Variants in RSRP1 observed in about 807,000 individuals in gnomAD.
RSRP1 encodes arginine/serine-rich protein 1.
A neutral mutation model predicts 33.0 loss-of-function variants in RSRP1; 37 were observed. The ratio of observed to expected loss-of-function variants is 1.12; its 90% CI spans 0.86 to 1.48. RSRP1 has a LOEUF of 1.48. Among genes scored for constraint, RSRP1 ranks in the 40% most tolerant of loss-of-function variants. The pLI, the probability that RSRP1 is intolerant of heterozygous loss-of-function variation, is 0.00. For missense variants in RSRP1, 402 were observed against 385.3 expected (o/e 1.04, Z -0.36); for synonymous variants, 167 against 158.7 (o/e 1.05, Z -0.40).
chr1:25,252,494 A>G (rs1639819308), intron 1 of RSRP1, among the ~76,000 whole-genome samples: 1 of 150,372 alleles, frequency 6.7e-6, no homozygotes, highest in South Asian at 2.1e-4. Flanking sequence ...AGAGAAGGAG[A>G]GGTCTCGTGG....
intron 1 of RSRP1, among the ~76,000 whole-genome samples, chr1:25,269,723 C>T (rs1366443519): frequency 7.5e-6 from 1 of 132,984 alleles, no homozygotes; most frequent in African/African-American, 2.6e-5. Context: ...AGCAAAACCT[C>T]TGCTTTTGAC....
chr1:25,256,080 T>C (rs1235706001), intron 1 of RSRP1, among the ~76,000 whole-genome samples: 1 of 151,986 alleles, frequency 6.6e-6, no homozygotes, highest in Non-Finnish European at 1.5e-5. Context: ...GTTGTTCCCA[T>C]GTTCAGCAAC....
rs1414487872 is a variant in RSRP1, at chr1:25,307,842, G to A, written c.-67+30136C>T. 31 of 1,297,810 alleles carry A rather than the reference G, an allele frequency of 2.4e-5. 7 individuals carry two copies. The highest frequency in any genetic ancestry group is 3.0e-5 in the Non-Finnish European group (28 of 941,958). The allele number at this position is 1,297,810 out of a possible 1,614,324, so 80.4% of individuals were successfully genotyped here. On this transcript the variant is annotated intron_variant, in intron 1 of 1. Coordinates refer to the RSRP1 transcript ENST00000561867. Reference sequence around the variant, plus strand: ...GTGAGACATCCTTGCTTGGGATGAGGAGGGGATGAGCTGTGTGAAGCAAGG... The same window carrying A: ...GTGAGACATCCTTGCTTGGGATGAGAAGGGGATGAGCTGTGTGAAGCAAGG...
rs200100354 is a variant in RSRP1 at position 25,321,554 on chromosome 1, C to T, written c.-67+16424G>A. Reference sequence around the variant, plus strand: ...ATGTGGTGGCAGGCGCCTATAATCTCAGCTACTTGGGAGGCTGAGGCAGGA... The same window carrying T: ...ATGTGGTGGCAGGCGCCTATAATCTTAGCTACTTGGGAGGCTGAGGCAGGA... On this transcript the variant is annotated intron_variant, in intron 1 of 1. Transcript: ENST00000561867. Among the ~76,000 whole-genome samples, 3 of 121,920 alleles carry T rather than the reference C, an allele frequency of 2.5e-5. 1 individual carries two copies. Among genetic ancestry groups the T allele is most frequent in the South Asian group, 5.1e-4 (2 of 3,908 alleles). The allele number at this position is 121,920 out of a possible 152,430, so 80.0% of individuals were successfully genotyped here.
At chr1:25,242,784 C>A in intron 4 of RSRP1, 79 bp from the exon 5 acceptor site, 1 of 991,408 alleles carries the variant, frequency 1.0e-6, no homozygotes, top group Non-Finnish European at 1.5e-6. Flanking sequence ...ATTAAATAAT[C>A]CCATGTATGA....
intron 2 of RSRP1, 43 bp downstream of exon 2, chr1:25,246,401 C>T: frequency 1.9e-6 from 3 of 1,595,726 alleles, no homozygotes; most frequent in South Asian, 2.2e-5. Context: ...CATATACTGC[C>T]ACCATACATT....
rs1436929587 is a variant in RSRP1 at position 25,268,552 on chromosome 1, C to T, written c.-66-21523G>A. On this transcript the variant is annotated intron_variant, in intron 1 of 1. Coordinates refer to the RSRP1 transcript ENST00000561867. The stretch of plus-strand genomic sequence containing the variant: ...TAAATACACAAGTAAAAATATAGAC[C>T]TCGTCAGATGCTAGTAAGTGCTGTG... Among the ~76,000 whole-genome samples, 8 of 130,742 alleles carry T rather than the reference C, an allele frequency of 6.1e-5. 1 individual carries two copies. Among genetic ancestry groups the T allele is most frequent in the African/African-American group, 1.6e-4 (6 of 38,232 alleles). 85.8% of individuals were successfully genotyped at this position (130,742 alleles called of 152,430 possible).
rs779460870 is a variant in RSRP1 at position 25,246,815 on chromosome 1, G to C, written c.149C>G (p.Ser50Trp). The C allele has an allele frequency of 4.3e-6, 7 of 1,613,474 alleles. No homozygotes were observed. The South Asian group carries it at 6.6e-5, about 15-fold the overall frequency. ...CCGACTCCTGGACGAAAACCGGCTC[G>C]AGACGCGGGAATGGGACCGAGAGCT... The part of the protein sequence containing the change: ...SRSSRSHSRV[S>W]SRFSSRSRRS... The change falls in exon 2 of 5, where the codon TCG becomes TGG. Residue 50 changes from serine (S) to tryptophan (W), a missense_variant. Physicochemically the swap from Ser to Trp is radical, Grantham distance 177 (BLOSUM62 -3). Coordinates refer to ENST00000243189, the MANE Select transcript of RSRP1 (RefSeq NM_020317.5).
At chr1:25,309,307 G>T (rs1166115830) in intron 1 of RSRP1, among the ~76,000 whole-genome samples, 1 of 131,344 alleles carries the variant, frequency 7.6e-6, no homozygotes, top group Middle Eastern at 4.1e-3. Flanking sequence ...TCAATTCTCA[G>T]TCCTTTGATT....
chr1:25,251,369 CCTTTTTTTTTT>C (rs1027978853), upstream of RSRP1, among the ~76,000 whole-genome samples: 35 of 152,028 alleles, frequency 2.3e-4, no homozygotes, highest in African/African-American at 7.7e-4. Context: ...TTATAGTTTT[CCTTTTTTTTTT>C]CTTTTTTGAG....
At chr1:25,315,713 G>A (rs1339016008) in intron 1 of RSRP1, among the ~76,000 whole-genome samples, 1 of 129,130 alleles carries the variant, frequency 7.7e-6, no homozygotes, top group African/African-American at 2.7e-5. Context: ...AGCCAGGATG[G>A]TCTCCATCTC....
chr1:25,316,772 G>C lies in RSRP1; in HGVS notation c.-67+21206C>G, dbSNP rs1038427113. 3.2e-4 allele frequency among the ~76,000 whole-genome samples: 33 copies of C among 101,748 alleles called. 4 individuals carry two copies. Among genetic ancestry groups the C allele is most frequent in the African/African-American group, 9.5e-4 (31 of 32,602 alleles). 66.8% of individuals were successfully genotyped at this position (101,748 alleles called of 152,430 possible). On this transcript the variant is annotated intron_variant, in intron 1 of 1. Transcript: ENST00000561867. ...TGGTTCATTATCCATGAGGTGCTGG[G>C]AACTAAAATAAGCCACAATCTTGGA... is the stretch of plus-strand genomic sequence containing the variant.
intron 1 of RSRP1, among the ~76,000 whole-genome samples, chr1:25,284,413 G>C (rs528500625): frequency 7.4e-6 from 1 of 135,416 alleles, no homozygotes; most frequent in East Asian, 1.9e-4. Context: ...TTATTCAGTT[G>C]AGAACATTGA....
intron 2 of RSRP1, 117 bp from the exon 3 acceptor site, chr1:25,245,418 T>C: frequency 1.5e-6 from 2 of 1,340,198 alleles, no homozygotes; most frequent in South Asian, 3.0e-5. Context: ...ATTAAGTCAC[T>C]TGTTTTATAA....
rs1446384950 is a variant in RSRP1 at position 25,305,278 on chromosome 1, T to TA, written c.-67+32699dup. On this transcript the variant is annotated intron_variant, in intron 1 of 1. Coordinates refer to the RSRP1 transcript ENST00000561867. ...TGGCCCAACCAGGAAACAGACATTC[T>TA]AAAGGCATAGGGTCCACCCAGGAGC... Among the ~76,000 whole-genome samples the TA allele has an allele frequency of 3.0e-5, 4 of 132,326 alleles. 1 individual carries two copies. Among genetic ancestry groups the TA allele is most frequent in the African/African-American group, 1.0e-4 (4 of 38,384 alleles). 86.8% of individuals were successfully genotyped at this position (132,326 alleles called of 152,430 possible).
rs1425370757 is a variant in RSRP1, at chr1:25,242,410, A to G, written c.*179T>C. On this transcript the variant is annotated 3_prime_UTR_variant, in exon 5 of 5. Coordinates refer to ENST00000243189, the MANE Select transcript of RSRP1 (RefSeq NM_020317.5). ...CTTTGGTCCATCTGTGCTATCTCTC[A>G]TATCTGCAAGAGAAACCTAAAATGT... 1.0e-5 allele frequency: 5 copies of G among 497,024 alleles called. No homozygotes were observed. The highest frequency in any genetic ancestry group is 6.2e-5 in the South Asian group (2 of 32,116). The allele number at this position is 497,024 out of a possible 1,614,324, so 30.8% of individuals were successfully genotyped here.
rs1283393711 is a variant in RSRP1, at chr1:25,293,693, G to A, written c.-67+44285C>T. Among the ~76,000 whole-genome samples, 8 of 130,928 alleles carry A rather than the reference G, an allele frequency of 6.1e-5. 2 individuals carry two copies. Among genetic ancestry groups the A allele is most frequent in the Admixed American group, 5.2e-4 (7 of 13,444 alleles). 85.9% of individuals were successfully genotyped at this position (130,928 alleles called of 152,430 possible). A position where few individuals can be genotyped will look rare whatever the true frequency, so the allele number is the denominator to read the frequency against. ...CTAGTATATGTAACCATCAGTAGGTGGTATCTACTGACTAGAGAGGGAAGT... is the reference window on the plus strand; with the variant it reads ...CTAGTATATGTAACCATCAGTAGGTAGTATCTACTGACTAGAGAGGGAAGT... On this transcript the variant is annotated intron_variant, in intron 1 of 1. Coordinates refer to the RSRP1 transcript ENST00000561867.
rs180868552 is a variant in RSRP1 at position 25,244,852 on chromosome 1, T to G, written c.672+298A>C. ...GCATGCACCACCATGCCTGGCTAATTTTTGTATTTTTTGTAAACACGCGGT... is the reference window on the plus strand; with the variant it reads ...GCATGCACCACCATGCCTGGCTAATGTTTGTATTTTTTGTAAACACGCGGT... On this transcript the variant is annotated intron_variant, in intron 3 of 4. Coordinates refer to ENST00000243189, the MANE Select transcript of RSRP1 (RefSeq NM_020317.5). 23 of 1,039,908 alleles carry G rather than the reference T, an allele frequency of 2.2e-5. No homozygotes were observed. In the African/African-American group the frequency reaches 3.3e-4, roughly 15 times the overall value. 64.4% of individuals were successfully genotyped at this position (1,039,908 alleles called of 1,614,324 possible). A position where few individuals can be genotyped will look rare whatever the true frequency, so the allele number is the denominator to read the frequency against.
intron 4 of RSRP1, 112 bp from the exon 5 acceptor site, chr1:25,242,817 C>T: frequency 1.3e-6 from 1 of 772,246 alleles, no homozygotes; most frequent in South Asian, 1.7e-5. Flanking sequence ...TTATCAATTG[C>T]TGGGCGCGGT....
Sources: allele counts gnomAD v4.1 joint callset (sites outside exome capture counted in the v4.1 genomes callset), GRCh38; gene constraint gnomAD v4.1.1; transcripts MANE v1.5; gene names NCBI Gene and HGNC (gene_info 2026-07-23, HGNC 2026-07-21).